The following ANKRD30B variants were observed in gnomAD, a reference collection of about 807,000 sequenced individuals.
The protein encoded by ANKRD30B is ankyrin repeat domain-containing protein 30B.
Under a neutral mutation model 202.2 loss-of-function variants are expected in ANKRD30B, and 144 were observed. That is an observed-to-expected ratio of 0.71 (90% CI 0.62 to 0.82). ANKRD30B has a LOEUF of 0.82. Ranked by LOEUF, ANKRD30B falls within the 40% of genes least tolerant of loss-of-function variation. The pLI is 0.00. For missense variants in ANKRD30B, 1,487 were observed against 1,669.1 expected, an observed-to-expected ratio of 0.89 and a Z score of 1.90; for synonymous variants, 508 against 561.3, an observed-to-expected ratio of 0.91 and a Z score of 1.34.
intron 10 of ANKRD30B, among the ~76,000 whole-genome samples, chr18:14,778,286 T>C (rs1967508736): frequency 1.3e-5 from 2 of 152,258 alleles, no homozygotes; most frequent in Admixed American, 6.5e-5. Flanking sequence ...TTAAATTCAA[T>C]ATACTGTAAG....
chr18:14,905,743 T>C, the ANKRD30B span: 1 of 152,162 alleles, frequency 6.6e-6, no homozygotes, highest in Non-Finnish European at 1.5e-5. Context: ...CAGATAAATA[T>C]ATTTTGAAGT....
At chr18:14,913,497 C>T in the ANKRD30B span, among the ~76,000 whole-genome samples, 1 of 152,176 alleles carries the variant, frequency 6.6e-6, no homozygotes, top group African/African-American at 2.4e-5. Context: ...TAACTTCATA[C>T]TATATATGAA....
At chr18:14,856,571 G>A (rs1484295227), downstream of ANKRD30B, among the ~76,000 whole-genome samples, 11 of 114,234 alleles carry the variant, frequency 9.6e-5, no homozygotes, top group South Asian at 2.8e-4. Context: ...CTTCCCAGAT[G>A]GGGCGGCCGG....
intron 1 of ANKRD30B, among the ~76,000 whole-genome samples, chr18:14,749,391 G>A (rs1289403335): frequency 6.6e-6 from 1 of 152,088 alleles, no homozygotes. Flanking sequence ...CACAAAATGG[G>A]CCAGGAGCGG....
rs1257619097 is a variant in ANKRD30B at position 14,819,533 on chromosome 18, T to C, written c.2642-2950T>C. Among the ~76,000 whole-genome samples the C allele has an allele frequency of 5.3e-5, 8 of 152,204 alleles. No individual in the cohort carries two copies. In the East Asian group the frequency reaches 1.5e-3, roughly 29 times the overall value. ...AGTCTTTAATCCATCTTGAATTACT[T>C]TTTGTATAAGGTGTAAGGAAGGGAT... On this transcript the variant is annotated intron_variant, in intron 30 of 43. Coordinates refer to ENST00000690538, the MANE Select transcript of ANKRD30B (RefSeq NM_001367607.2).
chr18:14,824,965 C>A lies in ANKRD30B; in HGVS notation c.2743+2288C>A, dbSNP rs1178329294. Among the ~76,000 whole-genome samples, 2 of 152,168 alleles carry A rather than the reference C, an allele frequency of 1.3e-5. 1 individual carries two copies. The highest frequency in any genetic ancestry group is 4.8e-5 in the African/African-American group (2 of 41,442). ...TTCCATAACCATGGGTTGTGGAATA[C>A]AACAGTTTGCATTGTGTCCCTTAAT... On this transcript the variant is annotated intron_variant, in intron 32 of 43. Coordinates refer to ENST00000690538, the MANE Select transcript of ANKRD30B (RefSeq NM_001367607.2).
chr18:14,839,013 C>G (rs1293265236), intron 36 of ANKRD30B, among the ~76,000 whole-genome samples: 7 of 152,106 alleles, frequency 4.6e-5, no homozygotes, highest in Non-Finnish European at 1.5e-5. Flanking sequence ...TTTCAGCAGG[C>G]TACTACTGCA....
At position 14,752,899 on chromosome 18, in the gene ANKRD30B, A is replaced by T; in HGVS notation, c.397A>T (p.Asn133Tyr). 1 of 1,606,958 alleles carries T rather than the reference A, an allele frequency of 6.2e-7. No homozygotes were observed. Among genetic ancestry groups the T allele is most frequent in the Non-Finnish European group, 8.5e-7 (1 of 1,176,088 alleles). ...TCTCATAGATGCTGGTGCTGATCTA[A>T]ATTATGTAGATGTGTATGGCAACAC... ...NILIDAGADL[N>Y]YVDVYGNTAL... The change falls in exon 3 of 44, where the codon AAT becomes TAT. Residue 133 changes from asparagine (N) to tyrosine (Y), a missense_variant. Asn to Tyr is a moderately radical substitution (Grantham distance 143). Transcript: ENST00000690538.
In ANKRD30B at chr18:14,799,362, C is replaced by A. The variant is rs541375540; in HGVS notation, c.2131+67C>A. 3.4e-5 allele frequency: 46 copies of A among 1,336,672 alleles called. 1 individual carries two copies. The Admixed American group carries it at 1.1e-3, about 31-fold the overall frequency. 82.8% of individuals were successfully genotyped at this position (1,336,672 alleles called of 1,614,324 possible). On this transcript the variant is annotated intron_variant, in intron 22 of 43. Coordinates refer to ENST00000690538, the MANE Select transcript of ANKRD30B (RefSeq NM_001367607.2). ...TTAAACTATTTGAAATGCTGAGCAC[C>A]TTTTTATTCCCAATGTTGTTTTCTT...
At position 14,810,629 on chromosome 18, in the gene ANKRD30B, A is replaced by AGT. The variant is rs376271746; in HGVS notation, c.2488+465_2488+466dup. 2.2e-3 allele frequency among the ~76,000 whole-genome samples: 325 copies of AGT among 149,758 alleles called. 10 individuals are homozygous for AGT. The highest frequency in any genetic ancestry group is 6.4e-3 in the African/African-American group (260 of 40,484). Reference sequence around the variant, plus strand: ...TCTTGTTTTTCTGATTAGGTGACTGAGTGTGTGTGTGTGTGTGACATATAA... The same window carrying AGT: ...TCTTGTTTTTCTGATTAGGTGACTGAGTGTGTGTGTGTGTGTGTGACATATAA... On this transcript the variant is annotated intron_variant, in intron 28 of 43. Transcript: ENST00000690538.
the ANKRD30B span, among the ~76,000 whole-genome samples, chr18:14,914,792 G>A: frequency 6.6e-6 from 1 of 152,148 alleles, no homozygotes; most frequent in South Asian, 2.1e-4. Flanking sequence ...CTCTATTGGG[G>A]GGTTGTCGTG....
the ANKRD30B span, among the ~76,000 whole-genome samples, chr18:14,913,857 T>A: frequency 6.6e-6 from 1 of 152,230 alleles, no homozygotes; most frequent in African/African-American, 2.4e-5. Context: ...TTAACATCTA[T>A]ACAGTGTTTA....
the ANKRD30B span, among the ~76,000 whole-genome samples, chr18:14,940,828 A>G: frequency 1.3e-5 from 2 of 152,180 alleles, no homozygotes; most frequent in African/African-American, 2.4e-5. Context: ...TTTATTTTGC[A>G]AATGAAAGTC....
chr18:14,904,013 T>C, the ANKRD30B span, among the ~76,000 whole-genome samples: 1 of 152,244 alleles, frequency 6.6e-6, no homozygotes, highest in East Asian at 1.9e-4. Flanking sequence ...AATTGTCATC[T>C]GTCTTCACTG....
Position 14,851,636 on chromosome 18 carries a change from A to T in ANKRD30B, c.3692A>T (p.Tyr1231Phe), listed in dbSNP as rs554299410. Reference sequence around the variant, plus strand: ...CAACACCAGGTGAAGGAAAATAAATACTTTGAGGACATTAAGATTTTACAA... The same window carrying T: ...CAACACCAGGTGAAGGAAAATAAATTCTTTGAGGACATTAAGATTTTACAA... ...KHQHQVKENK[Y>F]FEDIKILQEK... Residue 1231 changes from tyrosine to phenylalanine, a missense_variant, in exon 42 of 44, where the codon TAC (tyrosine) becomes TTC (phenylalanine). Tyr to Phe is a conservative substitution (Grantham distance 22). Transcript: ENST00000690538. The T allele has an allele frequency of 3.1e-4, 505 of 1,611,910 alleles. No individual in the cohort carries two copies. The Middle Eastern group carries it at 4.3e-3, about 14-fold the overall frequency.
chr18:14,918,536 C>T, the ANKRD30B span, among the ~76,000 whole-genome samples: 1 of 152,074 alleles, frequency 6.6e-6, no homozygotes, highest in African/African-American at 2.4e-5. Context: ...CAAATAGGCC[C>T]TCCCCATGAG....
At chr18:14,824,585 A>AATAATAAAT (rs1167909526) in intron 32 of ANKRD30B, among the ~76,000 whole-genome samples, 1 of 152,246 alleles carries the variant, frequency 6.6e-6, no homozygotes, top group Non-Finnish European at 1.5e-5. Flanking sequence ...GGAGTAATGG[A>AATAATAAAT]ATAATAAATA....
chr18:14,754,520 A>C (rs1914015288), intron 3 of ANKRD30B, among the ~76,000 whole-genome samples: 1 of 152,128 alleles, frequency 6.6e-6, no homozygotes. Context: ...ACTGCTCTAG[A>C]GGTAATATTA....
chr18:14,860,564 C>T, the ANKRD30B span, among the ~76,000 whole-genome samples: 1 of 149,628 alleles, frequency 6.7e-6, no homozygotes. Flanking sequence ...TTACTCACCT[C>T]CCAGATGATG....
Sources: gnomAD v4.1 joint callset for allele counts (sites outside exome capture counted in the v4.1 genomes callset) on GRCh38, gnomAD v4.1.1 for gene constraint, MANE v1.5 for transcripts, NCBI Gene and HGNC (gene_info 2026-07-23, HGNC 2026-07-21) for gene names.